SLC6A2: variants seen among roughly 807,000 people sequenced by gnomAD.
The protein encoded by SLC6A2 is solute carrier family 6 member 2.
In SLC6A2, 26 loss-of-function variants were observed where a neutral mutation model predicts 71.7. The ratio of observed to expected loss-of-function variants is 0.36; its 90% CI spans 0.27 to 0.50. The LOEUF is 0.50. Ranked by LOEUF, SLC6A2 falls within the 20% of genes least tolerant of loss-of-function variation. The pLI, the probability that SLC6A2 is intolerant of heterozygous loss-of-function variation, is 0.96. For missense variants in SLC6A2, 581 were observed against 803.9 expected, an observed-to-expected ratio of 0.72 and a Z score of 3.35; for synonymous variants, 363 against 337.9, an observed-to-expected ratio of 1.07 and a Z score of -0.82.
intron 7 of SLC6A2, 110 bp from the exon 8 acceptor site, chr16:55,695,168 G>T: frequency 7.8e-7 from 1 of 1,284,548 alleles, no homozygotes; most frequent in Non-Finnish European, 1.1e-6. Flanking sequence ...CTGAAGGGGG[G>T]ATGGCCTTTG....
intron 4 of SLC6A2, among the ~76,000 whole-genome samples, chr16:55,677,810 C>T (rs895976218): frequency 6.6e-6 from 1 of 152,164 alleles, no homozygotes; most frequent in African/African-American, 2.4e-5. Context: ...TAAGCATGTA[C>T]CACCACGCCT....
chr16:55,673,694 C>G (rs112989094), intron 4 of SLC6A2, among the ~76,000 whole-genome samples: 7,240 of 152,014 alleles, frequency 0.048, 484 homozygotes, highest in African/African-American at 0.14. Flanking sequence ...CCTGAGTAGC[C>G]GGGATTACAA....
intron 4 of SLC6A2, among the ~76,000 whole-genome samples, chr16:55,677,486 A>G (rs1352017765): frequency 3.9e-5 from 6 of 152,094 alleles, no homozygotes; most frequent in Non-Finnish European, 8.8e-5. Flanking sequence ...GCCCCAGCAG[A>G]GGCCCCAGCA....
chr16:55,691,083 A>G (rs1215945497), intron 5 of SLC6A2, among the ~76,000 whole-genome samples: 1 of 151,986 alleles, frequency 6.6e-6, no homozygotes, highest in Non-Finnish European at 1.5e-5. Context: ...TGCTTAGGAA[A>G]GAAAATATGC....
At chr16:55,664,006 T>A (rs1964680327) in intron 2 of SLC6A2, among the ~76,000 whole-genome samples, 5 of 152,082 alleles carry the variant, frequency 3.3e-5, no homozygotes, top group Admixed American at 3.3e-4. Flanking sequence ...AGCTTATTAG[T>A]ATTACATCAT....
intron 5 of SLC6A2, among the ~76,000 whole-genome samples, chr16:55,687,979 G>A (rs1391039977): frequency 6.6e-6 from 1 of 152,104 alleles, no homozygotes; most frequent in East Asian, 1.9e-4. Flanking sequence ...AGGAATATGA[G>A]TCCCCTCTGC....
At chr16:55,701,389 C>T (rs1346438214) in intron 13 of SLC6A2, among the ~76,000 whole-genome samples, 1 of 152,172 alleles carries the variant, frequency 6.6e-6, no homozygotes, top group Non-Finnish European at 1.5e-5. Context: ...CTTCCTGCTA[C>T]CAGTGATCAA....
chr16:55,664,145 G>A (rs191776796), intron 2 of SLC6A2, among the ~76,000 whole-genome samples: 67 of 152,000 alleles, frequency 4.4e-4, no homozygotes, highest in African/African-American at 1.6e-3. Context: ...AATGTCTGAG[G>A]GGCCATCTCA....
intron 5 of SLC6A2, among the ~76,000 whole-genome samples, chr16:55,690,249 C>T (rs1009253068): frequency 2.6e-5 from 4 of 152,116 alleles, no homozygotes; most frequent in Non-Finnish European, 4.4e-5. Context: ...TCACATGTGC[C>T]GGATTCTGGG....
At position 55,700,134 on chromosome 16, in the gene SLC6A2, T is replaced by G. The variant is rs1965923967; in HGVS notation, c.1591-5T>G. 6.2e-7 allele frequency: 1 copy of G among 1,613,534 alleles called. No individual in the cohort carries two copies. The highest frequency in any genetic ancestry group is 8.5e-7 in the Non-Finnish European group (1 of 1,179,666). On this transcript the variant is annotated splice_polypyrimidine_tract_variant and splice_region_variant and intron_variant, in intron 12 of 14. Coordinates refer to ENST00000568943, the MANE Select transcript of SLC6A2 (RefSeq NM_001172501.3). ...CCTTTCTCTCCCTTCTCTGCCCATCTCTAGTTCGTGGTTGTGGTCAGCATC... is the reference window on the plus strand; with the variant it reads ...CCTTTCTCTCCCTTCTCTGCCCATCGCTAGTTCGTGGTTGTGGTCAGCATC...
chr16:55,686,048 T>C (rs2142562749), intron 5 of SLC6A2, among the ~76,000 whole-genome samples: 1 of 152,318 alleles, frequency 6.6e-6, no homozygotes, highest in Middle Eastern at 3.4e-3. Flanking sequence ...GGAAATTTTC[T>C]TTCCAGTGTT....
At position 55,656,512 on chromosome 16, in the gene SLC6A2, C is replaced by T; in HGVS notation, c.-51-132C>T. On this transcript the variant is annotated intron_variant, in intron 1 of 14. Coordinates refer to ENST00000568943, the MANE Select transcript of SLC6A2 (RefSeq NM_001172501.3). The surrounding 1 kb of genome is among the most constrained non-coding windows in gnomAD (Gnocchi z 4.5). The stretch of plus-strand genomic sequence containing the variant: ...TCCAAATTTTTCCAGCGGACGCGCG[C>T]CCTTTTCTGGGAACCCTGCGTCCGC... The T allele has an allele frequency of 2.8e-6, 2 of 721,128 alleles. No individual in the cohort carries two copies. The highest frequency in any genetic ancestry group is 5.2e-5 in the East Asian group (2 of 38,380). The allele number at this position is 721,128 out of a possible 1,614,324, so 44.7% of individuals were successfully genotyped here.
intron 6 of SLC6A2, among the ~76,000 whole-genome samples, chr16:55,693,804 G>C (rs1400694706): frequency 1.3e-5 from 2 of 152,190 alleles, no homozygotes; most frequent in Non-Finnish European, 2.9e-5. Context: ...CCCAAGGCTG[G>C]GAGATGCTAG....
intron 9 of SLC6A2, 71 bp downstream of exon 9, chr16:55,696,408 C>T: frequency 6.5e-6 from 6 of 916,088 alleles, no homozygotes; most frequent in African/African-American, 1.6e-5. Context: ...ACACACAGTG[C>T]TGGGCCTGAA....
intron 9 of SLC6A2, 138 bp from the exon 10 acceptor site, chr16:55,697,759 G>A: frequency 3.7e-6 from 3 of 803,822 alleles, no homozygotes; most frequent in Non-Finnish European, 4.1e-6. Flanking sequence ...GGGAAGGCAG[G>A]ACGTGCTGAT....
chr16:55,671,269 C>T (rs1395458767), intron 3 of SLC6A2, among the ~76,000 whole-genome samples: 1 of 152,198 alleles, frequency 6.6e-6, no homozygotes, highest in Non-Finnish European at 1.5e-5. Context: ...AGAATGTGAA[C>T]ACCTGTCAGT....
At chr16:55,685,098 C>T (rs1965406758) in intron 4 of SLC6A2, 45 bp from the exon 5 acceptor site, 1 of 1,603,976 alleles carries the variant, frequency 6.2e-7, no homozygotes, top group African/African-American at 1.3e-5. Flanking sequence ...CTGTCGTCCT[C>T]CCTGACGACA....
At chr16:55,671,862 TG>T (rs1373422251) in intron 3 of SLC6A2, 75 bp from the exon 4 acceptor site, 3 of 1,605,420 alleles carry the variant, frequency 1.9e-6, no homozygotes, top group Non-Finnish European at 2.6e-6. Flanking sequence ...AGTGCAGTGG[TG>T]GAGCCACACC....
intron 5 of SLC6A2, among the ~76,000 whole-genome samples, chr16:55,686,904 G>A (rs1488377784): frequency 1.3e-5 from 2 of 152,180 alleles, no homozygotes; most frequent in African/African-American, 2.4e-5. Context: ...TGAAGGATGG[G>A]TGGGTATATA....
Sources: gnomAD v4.1 joint callset for allele counts (sites outside exome capture counted in the v4.1 genomes callset) on GRCh38, gnomAD v4.1.1 for gene constraint, Gnocchi (gnomAD v3.1) non-coding constraint, MANE v1.5 for transcripts, NCBI Gene and HGNC (gene_info 2026-07-23, HGNC 2026-07-21) for gene names.